The following DNAH9 variants were observed in gnomAD, a reference collection of about 807,000 sequenced individuals.
DNAH9 encodes the protein dynein axonemal heavy chain 9, also known as DNAH9 variant protein.
In DNAH9, 345 loss-of-function variants were observed where a neutral mutation model predicts 471.6. That is an observed-to-expected ratio of 0.73 (90% CI 0.67 to 0.80). DNAH9 has a LOEUF of 0.80. DNAH9 is among the 30% of genes least tolerant of loss of function. The pLI, the probability that DNAH9 is intolerant of heterozygous loss-of-function variation, is 0.00. For missense variants in DNAH9, 5,407 were observed against 5,609.2 expected (o/e 0.96, Z 1.15); for synonymous variants, 2,093 against 2,123.6 (o/e 0.99, Z 0.40).
intron 35 of DNAH9, among the ~76,000 whole-genome samples, chr17:11,759,968 G>T (rs775004705): frequency 6.6e-6 from 1 of 152,116 alleles, no homozygotes; most frequent in Non-Finnish European, 1.5e-5. Flanking sequence ...TTACAGGCGT[G>T]AGCCACCGCA....
chr17:11,930,610 C>A (rs1974474647), intron 63 of DNAH9, among the ~76,000 whole-genome samples: 1 of 151,984 alleles, frequency 6.6e-6, no homozygotes, highest in African/African-American at 2.4e-5. Context: ...ATCAGCATCA[C>A]CTGGAAACTT....
At chr17:11,622,957 C>G (rs969917633) in intron 6 of DNAH9, among the ~76,000 whole-genome samples, 1 of 138,628 alleles carries the variant, frequency 7.2e-6, no homozygotes, top group Non-Finnish European at 1.5e-5. Flanking sequence ...CTTTTCTTTT[C>G]TTTTCTTTTT....
chr17:11,662,340 A>G (rs1720964635), intron 14 of DNAH9, among the ~76,000 whole-genome samples: 1 of 152,114 alleles, frequency 6.6e-6, no homozygotes, highest in Admixed American at 6.6e-5. Flanking sequence ...ATTCTTTTTC[A>G]CTAAATTTTG....
intron 49 of DNAH9, among the ~76,000 whole-genome samples, chr17:11,851,350 T>C (rs1049887022): frequency 3.3e-5 from 5 of 152,088 alleles, no homozygotes; most frequent in African/African-American, 1.2e-4. Flanking sequence ...ACTCCTGACC[T>C]TAGGTGATCT....
chr17:11,942,183 G>C, intron 66 of DNAH9, 120 bp from the exon 67 acceptor site: 2 of 1,376,118 alleles, frequency 1.5e-6, no homozygotes, highest in Non-Finnish European at 1.0e-6. Flanking sequence ...GGCCATGTCA[G>C]TGGGTGGAGG....
At chr17:11,906,627 C>CAAA (rs61461731) in intron 61 of DNAH9, among the ~76,000 whole-genome samples, 1 of 98,094 alleles carries the variant, frequency 1.0e-5, no homozygotes, top group African/African-American at 4.0e-5. Context: ...GACTCTGTCT[C>CAAA]AAAAAAAAAA....
intron 48 of DNAH9, among the ~76,000 whole-genome samples, chr17:11,830,460 T>C (rs1049712879): frequency 4.6e-5 from 7 of 152,202 alleles, no homozygotes; most frequent in African/African-American, 9.6e-5. Flanking sequence ...TCAAATAGTC[T>C]CAGGTCATCA....
At chr17:11,604,091 C>A (rs1287654732) in intron 1 of DNAH9, among the ~76,000 whole-genome samples, 1 of 151,490 alleles carries the variant, frequency 6.6e-6, no homozygotes, top group Admixed American at 6.6e-5. Context: ...GGCATGATCT[C>A]CGCTTGCTGC....
At chr17:11,966,365 C>T (rs1976725522) in intron 68 of DNAH9, among the ~76,000 whole-genome samples, 1 of 152,156 alleles carries the variant, frequency 6.6e-6, no homozygotes. Context: ...CAGCAAAACT[C>T]TCTTTCAAAA....
chr17:11,673,850 G>C (rs1482432334), intron 17 of DNAH9, among the ~76,000 whole-genome samples: 1 of 152,030 alleles, frequency 6.6e-6, no homozygotes, highest in Non-Finnish European at 1.5e-5. Flanking sequence ...TTGTGTATGT[G>C]TGTATGTATA....
rs778199656 is a variant in DNAH9 at position 11,669,173 on chromosome 17, C to T, written c.2841C>T (p.Asp947=). The T allele has an allele frequency of 1.9e-6, 3 of 1,613,838 alleles. No homozygotes were observed. The highest frequency in any genetic ancestry group is 2.5e-6 in the Non-Finnish European group (3 of 1,179,758). Residue 947 remains aspartate (D), a synonymous_variant, in exon 16 of 69, where the codon GAC becomes GAT. Coordinates refer to ENST00000262442, the MANE Select transcript of DNAH9 (RefSeq NM_001372.4). ...LESGVKGGFC[D]IVEGLITSIF... ...CTGGAGTGAAGGGGGGTTTCTGTGA[C>T]ATTGTTGAGGGTCTCATCACCAGCA...
chr17:11,758,668 G>T (rs146484097), intron 35 of DNAH9, among the ~76,000 whole-genome samples: 1 of 152,130 alleles, frequency 6.6e-6, no homozygotes, highest in South Asian at 2.1e-4. Context: ...TGCAGGAAAC[G>T]ATACTGCAAC....
intron 12 of DNAH9, among the ~76,000 whole-genome samples, chr17:11,648,890 CT>C (rs2073444873): frequency 1.3e-5 from 2 of 152,050 alleles, no homozygotes; most frequent in African/African-American, 4.8e-5. Flanking sequence ...CTTTGGGAGG[CT>C]GAGGTGAGTG....
chr17:11,615,736 A>AC (rs2072728902), intron 4 of DNAH9, among the ~76,000 whole-genome samples: 1 of 152,220 alleles, frequency 6.6e-6, no homozygotes, highest in African/African-American at 2.4e-5. Context: ...GCTAATTAGT[A>AC]TAATTAAAAG....
At chr17:11,926,051 A>G (rs1029709767) in intron 62 of DNAH9, among the ~76,000 whole-genome samples, 6 of 148,914 alleles carry the variant, frequency 4.0e-5, no homozygotes, top group Non-Finnish European at 8.9e-5. Flanking sequence ...AAAAAAAAAA[A>G]AAAAAAAAAA....
At chr17:11,599,551 C>T (rs892976208) in intron 1 of DNAH9, among the ~76,000 whole-genome samples, 1 of 152,202 alleles carries the variant, frequency 6.6e-6, no homozygotes, top group African/African-American at 2.4e-5. Context: ...AAATGCCCAG[C>T]AGGCCTTTGG....
rs758913558 is a variant in DNAH9 at position 11,834,737 on chromosome 17, G to C, written c.9346G>C (p.Asp3116His). ...KLIQVVGVETDKVSREKAMAD... is the reference protein window; with the variant it reads ...KLIQVVGVETHKVSREKAMAD... ...GATTCAGGTCGTGGGTGTGGAGACTGACAAAGTGAGCAGAGAGAAAGCCAT... is the reference window on the plus strand; with the variant it reads ...GATTCAGGTCGTGGGTGTGGAGACTCACAAAGTGAGCAGAGAGAAAGCCAT... Residue 3116 changes from aspartate to histidine, a missense_variant, in exon 49 of 69, where the codon GAC becomes CAC. Physicochemically the swap from Asp to His is moderately conservative, Grantham distance 81 (BLOSUM62 -1). Around this residue, in one of 3 missense-constraint regions of DNAH9, gnomAD observed 4,636 missense variants for 4,900.3 expected, o/e 0.95. Transcript: ENST00000262442. The C allele has an allele frequency of 6.2e-7, 1 of 1,614,096 alleles. No homozygotes were observed. Among genetic ancestry groups the C allele is most frequent in the Admixed American group, 1.7e-5 (1 of 59,994 alleles).
chr17:11,691,383 A>C (rs2074330110), intron 20 of DNAH9, among the ~76,000 whole-genome samples: 1 of 152,246 alleles, frequency 6.6e-6, no homozygotes. Flanking sequence ...AGATTCTTGC[A>C]GAAACTTTAA....
intron 62 of DNAH9, among the ~76,000 whole-genome samples, chr17:11,927,046 A>T (rs923668524): frequency 3.3e-5 from 5 of 152,188 alleles, no homozygotes; most frequent in African/African-American, 1.2e-4. Context: ...GTTGGCCACA[A>T]TGAATATCTT....
Sources: gnomAD v4.1 joint callset for allele counts (sites outside exome capture counted in the v4.1 genomes callset) on GRCh38, gnomAD v4.1.1 for gene constraint, gnomAD v4.1.1 regional missense constraint, MANE v1.5 for transcripts, NCBI Gene and HGNC (gene_info 2026-07-23, HGNC 2026-07-21) for gene names.